RSRC1: variants seen among roughly 807,000 people sequenced by gnomAD.
RSRC1 encodes serine/Arginine-related protein 53.
In RSRC1, 39 loss-of-function variants were observed where a neutral mutation model predicts 49.1. The ratio of observed to expected loss-of-function variants is 0.79; its 90% CI spans 0.61 to 1.04. The LOEUF (loss-of-function observed/expected upper bound fraction) is 1.04. RSRC1 is among the 50% of genes least tolerant of loss of function. RSRC1 has a pLI of 0.00. For synonymous variants in RSRC1, 143 were observed against 130.8 expected (o/e 1.09, Z -0.63); for missense variants, 388 against 402.4 (o/e 0.96, Z 0.31).
intron 4 of RSRC1, among the ~76,000 whole-genome samples, chr3:158,270,172 T>A (rs1346524930): frequency 6.6e-6 from 1 of 152,182 alleles, no homozygotes. Flanking sequence ...TCATTGCTGT[T>A]CCAATGGTTG....
At chr3:158,361,008 G>A (rs901708176) in intron 6 of RSRC1, among the ~76,000 whole-genome samples, 2 of 152,192 alleles carry the variant, frequency 1.3e-5, no homozygotes, top group African/African-American at 2.4e-5. Context: ...AGATGTCTCC[G>A]CAAGCTCCCC....
chr3:158,244,300 T>C (rs778206715), intron 4 of RSRC1, among the ~76,000 whole-genome samples: 1 of 152,214 alleles, frequency 6.6e-6, no homozygotes. Context: ...GTTTCTTCAA[T>C]ACTTAATTTA....
chr3:158,113,403 T>C (rs867847841), intron 1 of RSRC1, among the ~76,000 whole-genome samples: 47 of 146,512 alleles, frequency 3.2e-4, no homozygotes, highest in Middle Eastern at 3.5e-3. Flanking sequence ...GGAGTCTCAC[T>C]CTGTCACCAG....
Position 158,203,057 on chromosome 3 carries a change from A to G in RSRC1, c.321-15A>G. The G allele has an allele frequency of 6.3e-7, 1 of 1,593,632 alleles. No homozygotes were observed. Among genetic ancestry groups the G allele is most frequent in the Non-Finnish European group, 8.6e-7 (1 of 1,166,684 alleles). On this transcript the variant is annotated splice_polypyrimidine_tract_variant and intron_variant, in intron 3 of 9. Coordinates refer to ENST00000611884, the MANE Select transcript of RSRC1 (RefSeq NM_001271838.2). ...TTATACACTAAGTTTATTTAACAAA[A>G]TCTGCTTACTGTAGGTCCAGGTCAA...
At chr3:158,332,773 A>AT (rs1312727467) in intron 5 of RSRC1, among the ~76,000 whole-genome samples, 2 of 146,980 alleles carry the variant, frequency 1.4e-5, no homozygotes, top group Non-Finnish European at 3.1e-5. Flanking sequence ...CTATGATAGC[A>AT]TATTATTTTG....
At chr3:158,200,805 G>T (rs1203310954) in intron 3 of RSRC1, among the ~76,000 whole-genome samples, 1 of 151,994 alleles carries the variant, frequency 6.6e-6, no homozygotes, top group Non-Finnish European at 1.5e-5. Context: ...TTCTATAGAG[G>T]TTATTTGTAT....
chr3:158,191,207 T>TC (rs1362128521), intron 3 of RSRC1, among the ~76,000 whole-genome samples: 1 of 151,982 alleles, frequency 6.6e-6, no homozygotes, highest in African/African-American at 2.4e-5. Flanking sequence ...AAAAAATTCC[T>TC]TTTATTGTTA....
chr3:158,242,718 T>G (rs1234390020), intron 4 of RSRC1, among the ~76,000 whole-genome samples: 3 of 146,936 alleles, frequency 2.0e-5, no homozygotes, highest in East Asian at 3.9e-4. Context: ...TCTGTTTTTG[T>G]TTTTTTTTCC....
chr3:158,212,213 A>G (rs1721713172), intron 4 of RSRC1, among the ~76,000 whole-genome samples: 1 of 151,874 alleles, frequency 6.6e-6, no homozygotes, highest in South Asian at 2.1e-4. Flanking sequence ...TTTATTTTGA[A>G]GTTGATTTTA....
chr3:158,334,521 G>A (rs1371956053), intron 5 of RSRC1, among the ~76,000 whole-genome samples: 7 of 148,926 alleles, frequency 4.7e-5, no homozygotes, highest in African/African-American at 5.0e-5. Flanking sequence ...TCACTGTGTC[G>A]CCAGGCTGGA....
At chr3:158,519,641 C>G (rs959061390) in intron 7 of RSRC1, among the ~76,000 whole-genome samples, 10 of 151,962 alleles carry the variant, frequency 6.6e-5, no homozygotes, top group Admixed American at 3.9e-4. Context: ...TACCAGCCTT[C>G]GTAAGTAAGA....
At chr3:158,302,619 C>T (rs1253617971) in intron 5 of RSRC1, 8 of 105,614 alleles carry the variant, frequency 7.6e-5, no homozygotes, top group African/African-American at 1.5e-4. Flanking sequence ...CTAAGTTCTT[C>T]TTGTTCTATC....
intron 7 of RSRC1, among the ~76,000 whole-genome samples, chr3:158,477,503 C>T (rs1738417732): frequency 2.0e-5 from 3 of 152,044 alleles, no homozygotes; most frequent in Admixed American, 2.0e-4. Flanking sequence ...TTGTTAAAGG[C>T]TCAGATGATC....
At chr3:158,475,321 CA>C (rs1309587950) in intron 7 of RSRC1, among the ~76,000 whole-genome samples, 1 of 152,156 alleles carries the variant, frequency 6.6e-6, no homozygotes, top group African/African-American at 2.4e-5. Flanking sequence ...GGAAACAAAA[CA>C]TGGAGTGCAC....
intron 6 of RSRC1, among the ~76,000 whole-genome samples, chr3:158,455,977 C>A (rs1250664235): frequency 2.6e-5 from 1 of 38,396 alleles, no homozygotes; most frequent in East Asian, 1.0e-3. Context: ...AAGACTCCAT[C>A]TCAAAAAAAA....
chr3:158,429,084 G>A (rs1165045065), intron 6 of RSRC1, among the ~76,000 whole-genome samples: 1 of 151,834 alleles, frequency 6.6e-6, no homozygotes, highest in Non-Finnish European at 1.5e-5. Flanking sequence ...AGCTAGTTCT[G>A]CAGTGTTGAT....
intron 6 of RSRC1, among the ~76,000 whole-genome samples, chr3:158,386,357 A>G (rs1014543807): frequency 1.3e-5 from 2 of 152,066 alleles, no homozygotes; most frequent in South Asian, 4.1e-4. Context: ...AATTTAAAAT[A>G]TTTATTTTAA....
intron 6 of RSRC1, among the ~76,000 whole-genome samples, chr3:158,409,300 C>G (rs946071998): frequency 6.6e-6 from 1 of 152,028 alleles, no homozygotes; most frequent in African/African-American, 2.4e-5. Context: ...AAAAATGCTG[C>G]ATTTGAATTC....
At chr3:158,396,572 T>C (rs1733622959) in intron 6 of RSRC1, among the ~76,000 whole-genome samples, 6 of 152,094 alleles carry the variant, frequency 3.9e-5, no homozygotes, top group Admixed American at 3.9e-4. Flanking sequence ...CTGAAACAAG[T>C]TCACATCACA....
Sources: allele counts gnomAD v4.1 joint callset (sites outside exome capture counted in the v4.1 genomes callset), GRCh38; gene constraint gnomAD v4.1.1; transcripts MANE v1.5; gene names NCBI Gene and HGNC (gene_info 2026-07-23, HGNC 2026-07-21).